Variants in LRP1B observed in about 807,000 individuals in gnomAD.
LRP1B encodes the protein LDL receptor related protein 1B.
In LRP1B, 217 loss-of-function variants were observed where a neutral mutation model predicts 556.6. The ratio of observed to expected loss-of-function variants is 0.39; its 90% CI spans 0.35 to 0.44. The LOEUF (loss-of-function observed/expected upper bound fraction) is 0.44, where lower values mean the gene tolerates loss of function less well. Among genes scored for constraint, LRP1B ranks in the 20% least tolerant of loss-of-function variants. LRP1B has a pLI of 1.00. For missense variants in LRP1B, 5,053 were observed against 5,620.8 expected (o/e 0.90, Z 3.23); for synonymous variants, 2,047 against 1,865.8 (o/e 1.10, Z -2.50).
intron 23 of LRP1B, among the ~76,000 whole-genome samples, chr2:140,890,318 T>A (rs961787217): frequency 6.6e-6 from 1 of 152,166 alleles, no homozygotes; most frequent in Admixed American, 6.5e-5. Flanking sequence ...ATCATTTAAA[T>A]TGTGAATGAC....
At chr2:142,054,094 G>A (rs1042520212) in intron 1 of LRP1B, among the ~76,000 whole-genome samples, 8 of 151,990 alleles carry the variant, frequency 5.3e-5, no homozygotes, top group Non-Finnish European at 7.4e-5. Context: ...ATTTTTATAA[G>A]GGCAAATATG....
chr2:140,314,545 A>C (rs1384530572), intron 83 of LRP1B, among the ~76,000 whole-genome samples: 2 of 152,104 alleles, frequency 1.3e-5, no homozygotes, highest in Non-Finnish European at 2.9e-5. Flanking sequence ...ATTTACATTT[A>C]AAATAATCCT....
intron 41 of LRP1B, among the ~76,000 whole-genome samples, chr2:140,655,848 C>A (rs1463173407): frequency 1.3e-5 from 2 of 151,846 alleles, no homozygotes; most frequent in African/African-American, 4.8e-5. Flanking sequence ...GAAGCTGGCG[C>A]AGGAGAGTGG....
At position 140,322,065 on chromosome 2, in the gene LRP1B, C is replaced by T. The variant is rs561510498; in HGVS notation, c.12538G>A (p.Ala4180Thr). 6.2e-7 allele frequency: 1 copy of T among 1,612,818 alleles called. No homozygotes were observed. The highest frequency in any genetic ancestry group is 1.1e-5 in the South Asian group (1 of 91,006). ...LDLPNPCLDLACEFLCLLNPS... is the reference protein window; with the variant it reads ...LDLPNPCLDLTCEFLCLLNPS... ...TTTAGCAAGCAAAGAAATTCGCATG[C>T]TAAATCCAAGCATGGATTGGGTACT... The change falls in exon 82 of 91, where the codon GCA becomes ACA. Residue 4180 changes from alanine to threonine, a missense_variant. Physicochemically the swap from Ala to Thr is moderately conservative, Grantham distance 58 (BLOSUM62 0). Coordinates refer to ENST00000389484, the MANE Select transcript of LRP1B (RefSeq NM_018557.3).
At chr2:141,736,680 C>A (rs996471791) in intron 2 of LRP1B, among the ~76,000 whole-genome samples, 1 of 152,124 alleles carries the variant, frequency 6.6e-6, no homozygotes, top group South Asian at 2.1e-4. Flanking sequence ...GTGCCAACAG[C>A]AAGTCACTAC....
chr2:140,848,449 T>C (rs1436572450), intron 29 of LRP1B, among the ~76,000 whole-genome samples: 1 of 152,196 alleles, frequency 6.6e-6, no homozygotes, highest in South Asian at 2.1e-4. Context: ...CTAGCTTAAA[T>C]ACAACTGTAT....
At chr2:141,743,504 T>TTTTTTTTTTTTTTC (rs1693794600) in intron 2 of LRP1B, among the ~76,000 whole-genome samples, 5 of 79,008 alleles carry the variant, frequency 6.3e-5, no homozygotes, top group African/African-American at 1.3e-4. Context: ...TTTTTTTCTT[T>TTTTTTTTTTTTTTC]TTTTTTTTTT....
At chr2:141,106,307 C>T (rs1265816275) in intron 7 of LRP1B, among the ~76,000 whole-genome samples, 2 of 152,046 alleles carry the variant, frequency 1.3e-5, no homozygotes, top group African/African-American at 4.8e-5. Context: ...CGTTTTTTGG[C>T]TCCTAAAATG....
chr2:140,906,363 T>G (rs1366208761), intron 22 of LRP1B, among the ~76,000 whole-genome samples: 1 of 152,098 alleles, frequency 6.6e-6, no homozygotes, highest in Non-Finnish European at 1.5e-5. Context: ...CTTTTCCAAT[T>G]TGGGAAGTGA....
intron 1 of LRP1B, among the ~76,000 whole-genome samples, chr2:141,928,525 C>A (rs939868038): frequency 1.7e-4 from 26 of 152,204 alleles, no homozygotes; most frequent in Non-Finnish European, 2.5e-4. Context: ...TTCAAAGGTA[C>A]ATTCAAAATT....
At chr2:140,236,460 T>C (rs147267073) in intron 89 of LRP1B, among the ~76,000 whole-genome samples, 2,228 of 151,012 alleles carry the variant, frequency 0.015, 49 homozygotes, top group African/African-American at 0.051. Context: ...AGAGAAAAAA[T>C]ATTCTAAAAT....
At chr2:141,444,422 T>C (rs1681102010) in intron 3 of LRP1B, among the ~76,000 whole-genome samples, 1 of 152,194 alleles carries the variant, frequency 6.6e-6, no homozygotes, top group African/African-American at 2.4e-5. Context: ...TACGCTTTCT[T>C]TCACTTGCCT....
chr2:140,822,541 C>T (rs1325699322), intron 31 of LRP1B, among the ~76,000 whole-genome samples: 1 of 152,168 alleles, frequency 6.6e-6, no homozygotes, highest in Non-Finnish European at 1.5e-5. Flanking sequence ...AGTGGCATTG[C>T]CATTTCAAAG....
rs1365151108 is a variant in LRP1B, at chr2:140,595,116, A to C, written c.7194+3515T>G. On this transcript the variant is annotated intron_variant, in intron 43 of 90. Coordinates refer to ENST00000389484, the MANE Select transcript of LRP1B (RefSeq NM_018557.3). Reference sequence around the variant, plus strand: ...TATATATATATATATATATATATATATATATATATATATATATATATTAGT... The same window carrying C: ...TATATATATATATATATATATATATCTATATATATATATATATATATTAGT... Among the ~76,000 whole-genome samples, 537 of 88,176 alleles carry C rather than the reference A, an allele frequency of 6.1e-3. 15 individuals are homozygous for C. The highest frequency in any genetic ancestry group is 6.6e-3 in the Admixed American group (58 of 8,732). The allele number at this position is 88,176 out of a possible 152,430, so 57.8% of individuals were successfully genotyped here.
intron 3 of LRP1B, among the ~76,000 whole-genome samples, chr2:141,309,112 G>A (rs578101521): frequency 2.0e-5 from 3 of 152,176 alleles, no homozygotes; most frequent in Non-Finnish European, 4.4e-5. Context: ...GGAACCACAT[G>A]TGAGATACTG....
chr2:140,600,796 A>G (rs1162374753), intron 42 of LRP1B, among the ~76,000 whole-genome samples: 2 of 41,514 alleles, frequency 4.8e-5, no homozygotes, highest in African/African-American at 9.6e-5. Flanking sequence ...TTTTTTTTAC[A>G]TAACTGCTTT....
At chr2:140,884,754 C>A (rs1693583356) in intron 24 of LRP1B, among the ~76,000 whole-genome samples, 2 of 152,078 alleles carry the variant, frequency 1.3e-5, no homozygotes, top group Non-Finnish European at 2.9e-5. Context: ...TTTGGTTTGC[C>A]CAGGCTGGAA....
intron 20 of LRP1B, among the ~76,000 whole-genome samples, chr2:140,939,885 A>ATTTTTTTT (rs3063651): frequency 1.5e-5 from 2 of 132,652 alleles, no homozygotes; most frequent in South Asian, 2.4e-4. Flanking sequence ...ATTTGGTGTA[A>ATTTTTTTT]TTTTTTTTTT....
At chr2:141,559,689 T>C (rs941080304) in intron 2 of LRP1B, among the ~76,000 whole-genome samples, 19 of 151,754 alleles carry the variant, frequency 1.3e-4, no homozygotes, top group African/African-American at 4.6e-4. Flanking sequence ...ATATTGTAGG[T>C]GCATGGTAAA....
Sources: allele counts gnomAD v4.1 joint callset (sites outside exome capture counted in the v4.1 genomes callset), GRCh38; gene constraint gnomAD v4.1.1; transcripts MANE v1.5; gene names NCBI Gene and HGNC (gene_info 2026-07-23, HGNC 2026-07-21).